The following H1-1 variants were observed in gnomAD, a reference collection of about 807,000 sequenced individuals.
The protein encoded by H1-1 is H1.1 linker histone, cluster member.
A neutral mutation model predicts 0.8 loss-of-function variants in H1-1; 2 were observed. That is an observed-to-expected ratio of 2.64 (90% CI 1.08 to 8.30). The LOEUF (loss-of-function observed/expected upper bound fraction) is 8.30. H1-1 is among the 30% of genes most tolerant of loss of function. The pLI, the probability that H1-1 is intolerant of heterozygous loss-of-function variation, is 0.04. For synonymous variants in H1-1, 211 were observed against 108.2 expected, an observed-to-expected ratio of 1.95 and a Z score of -5.89; for missense variants, 516 against 262.6, an observed-to-expected ratio of 1.97 and a Z score of -6.67.
Position 26,017,714 on chromosome 6 carries a change from G to T in H1-1, c.19C>A (p.Pro7Thr). Reference sequence around the variant, plus strand: ...GGAGCAGCAGAAGCGGCGGGGGCGGGAGGCACTGTTTCAGACATGGTGACT... The same window carrying T: ...GGAGCAGCAGAAGCGGCGGGGGCGGTAGGCACTGTTTCAGACATGGTGACT... MSETVP[P>T]APAASAAPEK... The change falls in exon 1 of 1, where the codon CCC becomes ACC. Residue 7 changes from proline (P) to threonine (T), a missense_variant. By Grantham distance (38) the Pro-to-Thr change is conservative (BLOSUM62 -1). Transcript: ENST00000244573. The T allele has an allele frequency of 6.2e-7, 1 of 1,613,278 alleles. No individual in the cohort carries two copies. Among genetic ancestry groups the T allele is most frequent in the Non-Finnish European group, 8.5e-7 (1 of 1,179,788 alleles).
chr6:26,017,124 C>T lies in H1-1; in HGVS notation c.609G>A (p.Lys203=), dbSNP rs986979474. ...GTGCCGCTTTCTTGGGTTTGGCAGT[C>T]TTTGGCTTCGTCACCCTAGCCTTGG... is the stretch of plus-strand genomic sequence containing the variant. ...KAAKARVTKP[K]TAKPKKAAPK... is the part of the protein sequence containing the mutation. Residue 203 remains lysine (K), a synonymous_variant, in exon 1 of 1, where the codon AAG becomes AAA. Coordinates refer to ENST00000244573, the MANE Select transcript of H1-1 (RefSeq NM_005325.4). The T allele has an allele frequency of 1.3e-6, 2 of 1,597,754 alleles. No individual in the cohort carries two copies. The highest frequency in any genetic ancestry group is 1.7e-6 in the Non-Finnish European group (2 of 1,175,764).
In H1-1 at chr6:26,017,239, G is replaced by C; in HGVS notation, c.494C>G (p.Ser165Cys). 6.2e-7 allele frequency: 1 copy of C among 1,614,090 alleles called. No homozygotes were observed. Among genetic ancestry groups the C allele is most frequent in the African/African-American group, 1.3e-5 (1 of 74,976 alleles). Residue 165 changes from serine to cysteine, a missense_variant, in exon 1 of 1, where the codon TCC becomes TGC. By Grantham distance (112) the Ser-to-Cys change is moderately radical. Transcript: ENST00000244573. ...TTTGGGTTTTTTTGGATTCTTGGAGGATTTCCTTGTTGCCGCAGGCTTTTT... is the reference window on the plus strand; with the variant it reads ...TTTGGGTTTTTTTGGATTCTTGGAGCATTTCCTTGTTGCCGCAGGCTTTTT... ...KAKKPAATRK[S>C]SKNPKKPKTV... is the part of the protein sequence containing the mutation.
In H1-1 at chr6:26,017,361, T is replaced by TA; in HGVS notation, c.371_372insT (p.Val126GlyfsTer6). On this transcript the variant is annotated frameshift_variant, in exon 1 of 1. Coordinates refer to ENST00000244573, the MANE Select transcript of H1-1 (RefSeq NM_005325.4). LOFTEE classifies it low-confidence loss of function (END_TRUNC). Reference sequence around the variant, plus strand: ...TTGCCTTAGTTTTTGTAGCCACCTTTGAGGCGCCGGGCTTGGTTTCCACGG... The same window carrying TA: ...TTGCCTTAGTTTTTGTAGCCACCTTTAGAGGCGCCGGGCTTGGTTTCCACGG... The TA allele has an allele frequency of 1.9e-6, 3 of 1,614,122 alleles. No individual in the cohort carries two copies. The highest frequency in any genetic ancestry group is 2.5e-6 in the Non-Finnish European group (3 of 1,180,006).
In H1-1 at chr6:26,017,523, C is replaced by T. The variant is rs770982062; in HGVS notation, c.210G>A (p.Ala70=). The change falls in exon 1 of 1, where the codon GCG becomes GCA. Residue 70 remains alanine (A), a synonymous_variant. Coordinates refer to ENST00000244573, the MANE Select transcript of H1-1 (RefSeq NM_005325.4). ...TCTTCTCCACGTCGTAGCCTGCGGC[C>T]GCCAGCGCCTTTTTAAGAGCTGCCA... ...VSLAALKKAL[A]AAGYDVEKNN... The T allele has an allele frequency of 5.0e-6, 8 of 1,614,110 alleles. No homozygotes were observed. Among genetic ancestry groups the T allele is most frequent in the South Asian group, 1.1e-5 (1 of 91,074 alleles).
Position 26,017,409 on chromosome 6 carries a change from G to T in H1-1, c.324C>A (p.Phe108Leu). Residue 108 changes from phenylalanine (F) to leucine (L), a missense_variant, in exon 1 of 1, where the codon TTC (phenylalanine) becomes TTA (leucine). Coordinates refer to ENST00000244573, the MANE Select transcript of H1-1 (RefSeq NM_005325.4). Reference sequence around the variant, plus strand: ...CGGAGGACGCCTTCTTGTTGAGCTTGAAGGAACCCGAGGCTCCGGTACCCT... The same window carrying T: ...CGGAGGACGCCTTCTTGTTGAGCTTTAAGGAACCCGAGGCTCCGGTACCCT... ...QTKGTGASGS[F>L]KLNKKASSVE... 2.5e-6 allele frequency: 4 copies of T among 1,614,088 alleles called. No homozygotes were observed. The highest frequency in any genetic ancestry group is 3.4e-6 in the Non-Finnish European group (4 of 1,180,018).
chr6:26,017,044 A>G lies in H1-1; in HGVS notation c.*41T>C, dbSNP rs1436703997. On this transcript the variant is annotated 3_prime_UTR_variant, in exon 1 of 1. Coordinates refer to ENST00000244573, the MANE Select transcript of H1-1 (RefSeq NM_005325.4). ...TTCCTGAAATGCGTAGGTGGCTCTT[A>G]AAAGAGCCGTTGGGTTACTAGAAGA... The G allele has an allele frequency of 1.3e-6, 2 of 1,535,778 alleles. No individual in the cohort carries two copies. The highest frequency in any genetic ancestry group is 1.7e-6 in the Non-Finnish European group (2 of 1,146,480).
Position 26,017,099 on chromosome 6 carries a change from G to A in H1-1, c.634C>T (p.Pro212Ser), listed in dbSNP as rs1761132069. The A allele has an allele frequency of 5.1e-6, 8 of 1,577,462 alleles. No homozygotes were observed. The highest frequency in any genetic ancestry group is 1.4e-5 in the African/African-American group (1 of 72,398). The change falls in exon 1 of 1, where the codon CCC (proline) becomes TCC (serine). Residue 212 changes from proline to serine, a missense_variant. Transcript: ENST00000244573. ...PKTAKPKKAAPKKK is the reference protein window; with the variant it reads ...PKTAKPKKAASKKK Reference sequence around the variant, plus strand: ...TCTAACTGAATTTACTTTTTCTTGGGTGCCGCTTTCTTGGGTTTGGCAGTC... The same window carrying A: ...TCTAACTGAATTTACTTTTTCTTGGATGCCGCTTTCTTGGGTTTGGCAGTC...
rs769505738 is a variant in H1-1 at position 26,017,759 on chromosome 6, A to C, written c.-27T>G. 3.8e-6 allele frequency: 6 copies of C among 1,599,086 alleles called. No homozygotes were observed. Among genetic ancestry groups the C allele is most frequent in the Non-Finnish European group, 5.1e-6 (6 of 1,171,576 alleles). ...GTGACTAACACAGCACACCAAATAA[A>C]GTGGTATAAACCTGACGAAGCAGGA... On this transcript the variant is annotated 5_prime_UTR_variant, in exon 1 of 1. Transcript: ENST00000244573.
In H1-1 at chr6:26,017,610, AGGGCCAGC is replaced by A; in HGVS notation, c.115_122del (p.Ala39PhefsTer14). 4 of 1,614,160 alleles carry A rather than the reference AGGGCCAGC, an allele frequency of 2.5e-6. No individual in the cohort carries two copies. The highest frequency in any genetic ancestry group is 3.4e-6 in the Non-Finnish European group (4 of 1,180,024). ...CCTGCACGATCAGCTCTGACACGGA[AGGGCCAGC>A]GGGTTTTTTCTTGGAGGCTGCTGCA... On this transcript the variant is annotated frameshift_variant, in exon 1 of 1. Transcript: ENST00000244573. LOFTEE classifies it low-confidence loss of function (END_TRUNC).
rs764290804 is a variant in H1-1 at position 26,017,722 on chromosome 6, G to A, written c.11C>T (p.Thr4Ile). Residue 4 changes from threonine (T) to isoleucine (I), a missense_variant, in exon 1 of 1, where the codon ACA becomes ATA. By Grantham distance (89) the Thr-to-Ile change is moderately conservative (BLOSUM62 -1). Coordinates refer to ENST00000244573, the MANE Select transcript of H1-1 (RefSeq NM_005325.4). ...AGAAGCGGCGGGGGCGGGAGGCACT[G>A]TTTCAGACATGGTGACTAACACAGC... is the stretch of plus-strand genomic sequence containing the variant. MSE[T>I]VPPAPAASAA... 4 of 1,612,742 alleles carry A rather than the reference G, an allele frequency of 2.5e-6. No individual in the cohort carries two copies. Among genetic ancestry groups the A allele is most frequent in the Middle Eastern group, 1.6e-4 (1 of 6,082 alleles).
rs201969543 is a variant in H1-1, at chr6:26,017,426, C to T, written c.307G>A (p.Gly103Arg). ...KGTLVQTKGTGASGSFKLNKK... is the reference protein window; with the variant it reads ...KGTLVQTKGTRASGSFKLNKK... ...TTGAGCTTGAAGGAACCCGAGGCTC[C>T]GGTACCCTTTGTCTGCACCAACGTT... Residue 103 changes from glycine (G) to arginine (R), a missense_variant, in exon 1 of 1, where the codon GGA becomes AGA. Transcript: ENST00000244573. The T allele has an allele frequency of 6.8e-6, 11 of 1,613,924 alleles. No individual in the cohort carries two copies. The Admixed American group carries it at 8.3e-5, about 12-fold the overall frequency.
rs772485189 is a variant in H1-1, at chr6:26,017,477, C to T, written c.256G>A (p.Gly86Ser). The change falls in exon 1 of 1, where the codon GGC becomes AGC. Residue 86 changes from glycine to serine, a missense_variant. Transcript: ENST00000244573. ...VEKNNSRIKLGIKSLVSKGTL... is the reference protein window; with the variant it reads ...VEKNNSRIKLSIKSLVSKGTL... ...CCCTTGCTTACCAGGCTCTTAATGC[C>T]CAGCTTAATGCGGCTGTTGTTCTTC... 16 of 1,613,752 alleles carry T rather than the reference C, an allele frequency of 9.9e-6. No individual in the cohort carries two copies. Among genetic ancestry groups the T allele is most frequent in the African/African-American group, 1.3e-5 (1 of 74,872 alleles).
In H1-1 at chr6:26,017,409, G is replaced by A. The variant is rs767729813; in HGVS notation, c.324C>T (p.Phe108=). ...CGGAGGACGCCTTCTTGTTGAGCTT[G>A]AAGGAACCCGAGGCTCCGGTACCCT... ...QTKGTGASGS[F]KLNKKASSVE... is the part of the protein sequence containing the mutation. The change falls in exon 1 of 1, where the codon TTC becomes TTT. Residue 108 remains phenylalanine, a synonymous_variant. Coordinates refer to ENST00000244573, the MANE Select transcript of H1-1 (RefSeq NM_005325.4). 19 of 1,614,088 alleles carry A rather than the reference G, an allele frequency of 1.2e-5. No homozygotes were observed. In the South Asian group the frequency reaches 1.4e-4, roughly 12 times the overall value.
chr6:26,017,225 T>C lies in H1-1; in HGVS notation c.508A>G (p.Lys170Glu), dbSNP rs1761136353. The C allele has an allele frequency of 1.2e-6, 2 of 1,614,190 alleles. No individual in the cohort carries two copies. Among genetic ancestry groups the C allele is most frequent in the Non-Finnish European group, 1.7e-6 (2 of 1,180,032 alleles). ...TTGGGCTTTACAGTTTTGGGTTTTT[T>C]TGGATTCTTGGAGGATTTCCTTGTT... ...AATRKSSKNP[K>E]KPKTVKPKKV... Residue 170 changes from lysine (K) to glutamate (E), a missense_variant, in exon 1 of 1, where the codon AAA (lysine) becomes GAA (glutamate). Transcript: ENST00000244573.
In H1-1 at chr6:26,017,081, G is replaced by T. The variant is rs774678322; in HGVS notation, c.*4C>A. ...GGGTTACTAGAAGAAACTTCTAACTGAATTTACTTTTTCTTGGGTGCCGCT... is the reference window on the plus strand; with the variant it reads ...GGGTTACTAGAAGAAACTTCTAACTTAATTTACTTTTTCTTGGGTGCCGCT... On this transcript the variant is annotated 3_prime_UTR_variant, in exon 1 of 1. Coordinates refer to ENST00000244573, the MANE Select transcript of H1-1 (RefSeq NM_005325.4). The T allele has an allele frequency of 6.4e-7, 1 of 1,573,162 alleles. No homozygotes were observed.
At position 26,017,688 on chromosome 6, in the gene H1-1, A is replaced by G. The variant is rs748023674; in HGVS notation, c.45T>C (p.Pro15=). 8 of 1,613,802 alleles carry G rather than the reference A, an allele frequency of 5.0e-6. No homozygotes were observed. Among genetic ancestry groups the G allele is most frequent in the Non-Finnish European group, 6.8e-6 (8 of 1,179,980 alleles). The change falls in exon 1 of 1, where the codon CCT becomes CCC. Residue 15 remains proline, a synonymous_variant. Transcript: ENST00000244573. Reference sequence around the variant, plus strand: ...CCTTCTTGCCAGCTAAAGGTTTCTCAGGAGCAGCAGAAGCGGCGGGGGCGG... The same window carrying G: ...CCTTCTTGCCAGCTAAAGGTTTCTCGGGAGCAGCAGAAGCGGCGGGGGCGG... ...VPPAPAASAA[P]EKPLAGKKAK...
Position 26,017,517 on chromosome 6 carries a change from T to A in H1-1, c.216A>T (p.Ala72=), listed in dbSNP as rs970476059. ...TGTTGTTCTTCTCCACGTCGTAGCC[T>A]GCGGCCGCCAGCGCCTTTTTAAGAG... ...LAALKKALAA[A]GYDVEKNNSR... The change falls in exon 1 of 1, where the codon GCA becomes GCT. Residue 72 remains alanine, a synonymous_variant. Transcript: ENST00000244573. The A allele has an allele frequency of 6.2e-7, 1 of 1,614,030 alleles. No homozygotes were observed. The highest frequency in any genetic ancestry group is 8.5e-7 in the Non-Finnish European group (1 of 1,180,046).
Position 26,017,400 on chromosome 6 carries a change from G to C in H1-1, c.333C>G (p.Asn111Lys), listed in dbSNP as rs373841901. 1.2e-6 allele frequency: 2 copies of C among 1,614,076 alleles called. No homozygotes were observed. The highest frequency in any genetic ancestry group is 1.1e-5 in the South Asian group (1 of 91,076). Residue 111 changes from asparagine (N) to lysine (K), a missense_variant, in exon 1 of 1, where the codon AAC becomes AAG. Transcript: ENST00000244573. ...GTGASGSFKL[N>K]KKASSVETKP... ...TGGTTTCCACGGAGGACGCCTTCTTGTTGAGCTTGAAGGAACCCGAGGCTC... is the reference window on the plus strand; with the variant it reads ...TGGTTTCCACGGAGGACGCCTTCTTCTTGAGCTTGAAGGAACCCGAGGCTC...
chr6:26,017,404 AGCTTGAAGGAACCCGAG>A lies in H1-1; in HGVS notation c.312_328del (p.Ser105GlnfsTer21). On this transcript the variant is annotated frameshift_variant, in exon 1 of 1. Coordinates refer to ENST00000244573, the MANE Select transcript of H1-1 (RefSeq NM_005325.4). LOFTEE classifies it low-confidence loss of function (END_TRUNC). ...TTCCACGGAGGACGCCTTCTTGTTG[AGCTTGAAGGAACCCGAG>A]GCTCCGGTACCCTTTGTCTGCACCA... 6.2e-7 allele frequency: 1 copy of A among 1,613,802 alleles called. No homozygotes were observed.
Sources: gnomAD v4.1 joint callset for allele counts on GRCh38, gnomAD v4.1.1 for gene constraint, MANE v1.5 for transcripts, NCBI Gene and HGNC (gene_info 2026-07-23, HGNC 2026-07-21) for gene names.